Variants in C4orf51 observed in about 807,000 individuals in gnomAD.
C4orf51 encodes uncharacterized protein C4orf51.
A neutral mutation model predicts 25.2 loss-of-function variants in C4orf51; 25 were observed. That is an observed-to-expected ratio of 0.99 (90% CI 0.72 to 1.39). The LOEUF (loss-of-function observed/expected upper bound fraction) is 1.39. Among genes scored for constraint, C4orf51 ranks in the 40% most tolerant of loss-of-function variants. The pLI, the probability that C4orf51 is intolerant of heterozygous loss-of-function variation, is 0.00. For missense variants in C4orf51, 252 were observed against 239.6 expected (o/e 1.05, Z -0.34); for synonymous variants, 100 against 84.5 (o/e 1.18, Z -1.01).
At chr4:145,693,217 A>G (rs1729729373) in intron 1 of C4orf51, among the ~76,000 whole-genome samples, 1 of 149,670 alleles carries the variant, frequency 6.7e-6, no homozygotes, top group African/African-American at 2.5e-5. Flanking sequence ...ACTTGAGATT[A>G]GGGATTGGTG....
At chr4:145,694,019 T>C (rs544913800) in intron 1 of C4orf51, among the ~76,000 whole-genome samples, 7 of 105,398 alleles carry the variant, frequency 6.6e-5, no homozygotes, top group African/African-American at 1.1e-4. Context: ...GGCTCCTCAC[T>C]TCTCAGACGG....
At chr4:145,692,181 G>A (rs1164120531) in intron 1 of C4orf51, among the ~76,000 whole-genome samples, 8 of 152,186 alleles carry the variant, frequency 5.3e-5, no homozygotes, top group Admixed American at 4.6e-4. Context: ...TGTAGAATAA[G>A]TACTATTCAT....
chr4:145,790,798 T>C, the C4orf51 span, among the ~76,000 whole-genome samples: 1 of 152,258 alleles, frequency 6.6e-6, no homozygotes, highest in African/African-American at 2.4e-5. Flanking sequence ...CCTCTTTCTC[T>C]GCTCCTAACC....
chr4:145,760,705 T>C (rs1734352966), intron 1 of C4orf51: 1 of 1,008,222 alleles, frequency 9.9e-7, no homozygotes, highest in Admixed American at 5.3e-5. Context: ...GCTGGGGTTG[T>C]GTTTAAGTTT....
intron 2 of C4orf51, among the ~76,000 whole-genome samples, chr4:145,705,747 T>C (rs1365691019): frequency 6.6e-6 from 1 of 152,160 alleles, no homozygotes; most frequent in Non-Finnish European, 1.5e-5. Flanking sequence ...GAGAGGACAG[T>C]ATCCCTCACT....
At chr4:145,744,604 G>A (rs985038804) in intron 1 of C4orf51, among the ~76,000 whole-genome samples, 3 of 151,950 alleles carry the variant, frequency 2.0e-5, no homozygotes, top group South Asian at 2.1e-4. Flanking sequence ...GGTGGATCAC[G>A]AGGTCAGGAG....
At chr4:145,689,932 C>T (rs1435019251) in intron 1 of C4orf51, among the ~76,000 whole-genome samples, 3 of 152,120 alleles carry the variant, frequency 2.0e-5, no homozygotes, top group Non-Finnish European at 2.9e-5. Context: ...AGGCTGGGCG[C>T]GGTGGCTCAC....
At chr4:145,766,603 A>C in intron 1 of C4orf51, among the ~76,000 whole-genome samples, 1 of 152,296 alleles carries the variant, frequency 6.6e-6, no homozygotes, top group African/African-American at 2.4e-5. Flanking sequence ...AGTATCAGAG[A>C]GGAAGGGGCA....
Position 145,763,655 on chromosome 4 carries a change from G to A in C4orf51, n.167-7333G>A, listed in dbSNP as rs1031016749. Among the ~76,000 whole-genome samples the A allele has an allele frequency of 6.6e-6, 1 of 152,204 alleles. No homozygotes were observed. The highest frequency in any genetic ancestry group is 2.4e-5 in the African/African-American group (1 of 41,444). The stretch of plus-strand genomic sequence containing the variant: ...GTTCATGGGTGTGACTGGGCTACTG[G>A]GAAGGGCAGTGAGCACTGGTCCAAC... On this transcript the variant is annotated intron_variant and non_coding_transcript_variant, in intron 1 of 1. Transcript: ENST00000510096. This position sits in a 1 kb window ranked among gnomAD's most constrained non-coding sequence, Gnocchi z 4.6.
chr4:145,714,615 A>C (rs1258539179), intron 2 of C4orf51, among the ~76,000 whole-genome samples: 2 of 152,080 alleles, frequency 1.3e-5, no homozygotes, highest in Admixed American at 6.5e-5. Flanking sequence ...TTTTCATAAC[A>C]ATTATTTTAA....
intron 1 of C4orf51, chr4:145,759,776 A>G (rs1339459627): frequency 6.6e-6 from 1 of 151,988 alleles, no homozygotes; most frequent in Non-Finnish European, 1.5e-5. Flanking sequence ...CTGAGCATTT[A>G]TACCCAGAAT....
intron 1 of C4orf51, among the ~76,000 whole-genome samples, chr4:145,686,912 C>T (rs924033623): frequency 6.6e-6 from 1 of 152,042 alleles, no homozygotes; most frequent in Non-Finnish European, 1.5e-5. Context: ...GGTGAAAAAT[C>T]TATTCTTGCC....
At chr4:145,732,222 T>C (rs1043331741) in intron 5 of C4orf51, among the ~76,000 whole-genome samples, 1 of 152,172 alleles carries the variant, frequency 6.6e-6, no homozygotes, top group Non-Finnish European at 1.5e-5. Flanking sequence ...CGGTTAGGGA[T>C]TGCAAGAGTT....
At chr4:145,712,513 C>T (rs1731185875) in intron 2 of C4orf51, among the ~76,000 whole-genome samples, 2 of 152,182 alleles carry the variant, frequency 1.3e-5, no homozygotes, top group Admixed American at 1.3e-4. Flanking sequence ...AAGCCAAAGC[C>T]TAATCCAGAG....
At chr4:145,768,578 C>A (rs1735674534) in intron 1 of C4orf51, among the ~76,000 whole-genome samples, 2 of 151,954 alleles carry the variant, frequency 1.3e-5, no homozygotes, top group African/African-American at 4.8e-5. Context: ...ACAGATTCAA[C>A]ATGACCCCAT....
At chr4:145,687,798 CT>C (rs1729266783) in intron 1 of C4orf51, among the ~76,000 whole-genome samples, 1 of 152,044 alleles carries the variant, frequency 6.6e-6, no homozygotes, top group Non-Finnish European at 1.5e-5. Flanking sequence ...ATAGGGAGCA[CT>C]TGTTTGTTAT....
intron 1 of C4orf51, among the ~76,000 whole-genome samples, chr4:145,692,920 T>C (rs1309017124): frequency 1.3e-5 from 2 of 148,998 alleles, no homozygotes; most frequent in Non-Finnish European, 3.0e-5. Context: ...CATCTGTGAG[T>C]CCCCAAGTTA....
At chr4:145,748,681 A>G (rs1287557728) in intron 1 of C4orf51, among the ~76,000 whole-genome samples, 1 of 152,112 alleles carries the variant, frequency 6.6e-6, no homozygotes, top group Admixed American at 6.5e-5. Context: ...ATGTATTTGT[A>G]TAGTTTCCAA....
At chr4:145,691,046 G>A (rs945828768) in intron 1 of C4orf51, among the ~76,000 whole-genome samples, 2 of 151,918 alleles carry the variant, frequency 1.3e-5, no homozygotes, top group Non-Finnish European at 1.5e-5. Context: ...CTGGTAGGTC[G>A]AGGCTATAGT....
Sources: allele counts gnomAD v4.1 joint callset (sites outside exome capture counted in the v4.1 genomes callset), GRCh38; gene constraint gnomAD v4.1.1; non-coding constraint Gnocchi (gnomAD v3.1); transcripts MANE v1.5; gene names NCBI Gene and HGNC (gene_info 2026-07-23, HGNC 2026-07-21).